Variants in PCDHGA5 observed in about 807,000 individuals in gnomAD.
The protein encoded by PCDHGA5 is protocadherin gamma-A5.
PCDHGA5 carries 36 observed loss-of-function variants against 56.7 expected under a neutral mutation model. The observed-to-expected ratio is 0.64, with a 90% CI of 0.49 to 0.84. PCDHGA5 has a LOEUF of 0.84. Ranked by LOEUF, PCDHGA5 falls within the 40% of genes least tolerant of loss-of-function variation. PCDHGA5 has a pLI of 0.00. For synonymous variants in PCDHGA5, 563 were observed against 520.2 expected (o/e 1.08, Z -1.12); for missense variants, 1,305 against 1,201.5 (o/e 1.09, Z -1.27).
intron 1 of PCDHGA5, chr5:141,423,365 T>A (rs1338039878): frequency 1.9e-6 from 3 of 1,614,096 alleles, no homozygotes; most frequent in South Asian, 1.1e-5. Context: ...ATCGTGCTGC[T>A]GGCACTCAGG....
chr5:141,384,835 G>A (rs1390926308), intron 1 of PCDHGA5: 2 of 1,613,468 alleles, frequency 1.2e-6, no homozygotes, highest in East Asian at 2.2e-5. Flanking sequence ...CGTGGTGGCC[G>A]TCCAGGACCA....
At chr5:141,373,455 A>T (rs1561559553) in intron 1 of PCDHGA5, among the ~76,000 whole-genome samples, 1 of 152,204 alleles carries the variant, frequency 6.6e-6, no homozygotes, top group Non-Finnish European at 1.5e-5. Flanking sequence ...CCCAGGAGGT[A>T]GCAGCTGCAA....
At position 141,432,673 on chromosome 5, in the gene PCDHGA5, C is replaced by A. The variant is rs770930842; in HGVS notation, c.2422-62134C>A. 5 of 1,613,922 alleles carry A rather than the reference C, an allele frequency of 3.1e-6. No homozygotes were observed. Among genetic ancestry groups the A allele is most frequent in the Non-Finnish European group, 4.2e-6 (5 of 1,179,960 alleles). On this transcript the variant is annotated intron_variant, in intron 1 of 3. Coordinates refer to ENST00000518069, the MANE Select transcript of PCDHGA5 (RefSeq NM_018918.3). This position sits in a 1 kb window ranked among gnomAD's most constrained non-coding sequence, Gnocchi z 6.0. ...GAGCCCTGCTGGACAGAGACGCGCTCAAGCAGAGCCTCGTAGTGGCCGTCC... is the reference window on the plus strand; with the variant it reads ...GAGCCCTGCTGGACAGAGACGCGCTAAAGCAGAGCCTCGTAGTGGCCGTCC...
chr5:141,383,112 G>A (rs1167934535), intron 1 of PCDHGA5: 7 of 1,614,042 alleles, frequency 4.3e-6, no homozygotes, highest in East Asian at 2.2e-5. Context: ...CCAGAGGTAG[G>A]ACGCAGCTTT....
chr5:141,388,447 G>C (rs775979306), intron 1 of PCDHGA5: 2 of 1,613,802 alleles, frequency 1.2e-6, no homozygotes, highest in Non-Finnish European at 1.7e-6. Flanking sequence ...AAATCAGATG[G>C]CAGTAAATAC....
chr5:141,451,314 G>A (rs1286009420), intron 1 of PCDHGA5, among the ~76,000 whole-genome samples: 1 of 152,218 alleles, frequency 6.6e-6, no homozygotes, highest in Non-Finnish European at 1.5e-5. Context: ...AGCAATTAAA[G>A]TGTCACCTAA....
At chr5:141,375,751 T>C (rs1389189532) in intron 1 of PCDHGA5, 3 of 1,614,108 alleles carry the variant, frequency 1.9e-6, no homozygotes, top group Non-Finnish European at 2.5e-6. Context: ...TGGACCAGAA[T>C]GACAATGCGC....
rs376279746 is a variant in PCDHGA5 at position 141,366,238 on chromosome 5, C to A, written c.1908C>A (p.Asp636Glu). The A allele has an allele frequency of 1.8e-4, 297 of 1,613,786 alleles. No individual in the cohort carries two copies. Among genetic ancestry groups the A allele is most frequent in the Non-Finnish European group, 2.3e-4 (273 of 1,180,036 alleles). The change falls in exon 1 of 4, where the codon GAC becomes GAA. Residue 636 changes from aspartate (D) to glutamate (E), a missense_variant. Physicochemically the swap from Asp to Glu is conservative, Grantham distance 45. Coordinates refer to ENST00000518069, the MANE Select transcript of PCDHGA5 (RefSeq NM_018918.3). ...CAGCGCGAGCCCTGCTGGACAGAGA[C>A]GCGCTCAAGCAGAGCCTCGTGGTGG... ...VRTARALLDRDALKQSLVVAV... is the reference protein window; with the variant it reads ...VRTARALLDREALKQSLVVAV...
chr5:141,410,018 T>C (rs773806211), intron 1 of PCDHGA5: 1 of 1,613,166 alleles, frequency 6.2e-7, no homozygotes, highest in African/African-American at 1.3e-5. Context: ...CTGGCTGTCC[T>C]ACCACGTGCT....
At chr5:141,418,594 C>A in intron 1 of PCDHGA5, 4 of 1,614,022 alleles carry the variant, frequency 2.5e-6, no homozygotes, top group Non-Finnish European at 3.4e-6. Context: ...TCAGCCAGGA[C>A]GTGTACAGGG....
chr5:141,486,644 T>G lies in PCDHGA5; in HGVS notation c.2422-8163T>G, dbSNP rs765487821. ...AGACTCTGGCTTGAATGCGCTTATC[T>G]CCTACTCACTCCTGGAGCCCAGGAA... On this transcript the variant is annotated intron_variant, in intron 1 of 3. Transcript: ENST00000518069. This position sits in a 1 kb window ranked among gnomAD's most constrained non-coding sequence, Gnocchi z 5.0. 9.3e-6 allele frequency: 15 copies of G among 1,613,722 alleles called. 2 individuals carry two copies. The Middle Eastern group carries it at 6.6e-4, about 71-fold the overall frequency.
intron 1 of PCDHGA5, chr5:141,433,104 A>G: frequency 6.2e-7 from 1 of 1,614,214 alleles, no homozygotes; most frequent in Non-Finnish European, 8.5e-7. Flanking sequence ...CTCGTCAGCC[A>G]GGAGAGCTTT....
intron 1 of PCDHGA5, chr5:141,478,331 G>C: frequency 6.2e-7 from 1 of 1,613,956 alleles, no homozygotes; most frequent in Non-Finnish European, 8.5e-7. Context: ...CCGAACACCA[G>C]GGCCCTCCTT....
rs529787438 is a variant in PCDHGA5 at position 141,470,330 on chromosome 5, G to A, written c.2422-24477G>A. Among the ~76,000 whole-genome samples the A allele has an allele frequency of 3.3e-4, 50 of 152,144 alleles. 1 individual carries two copies. The highest frequency in any genetic ancestry group is 1.1e-3 in the African/African-American group (47 of 41,498). ...TTTTCCTCAAATGATCCCATAATTT[G>A]ACCTTAGGAAGCTGTTCAAATAGAC... On this transcript the variant is annotated intron_variant, in intron 1 of 3. Coordinates refer to ENST00000518069, the MANE Select transcript of PCDHGA5 (RefSeq NM_018918.3).
intron 1 of PCDHGA5, chr5:141,392,593 C>T (rs986653235): frequency 1.0e-5 from 5 of 494,076 alleles, no homozygotes; most frequent in Admixed American, 7.6e-5. Flanking sequence ...CCGCTGTTCA[C>T]CTACTGGAAG....
At chr5:141,428,088 C>G (rs761980796) in intron 1 of PCDHGA5, 5 of 1,608,920 alleles carry the variant, frequency 3.1e-6, no homozygotes, top group Non-Finnish European at 4.2e-6. Context: ...CAACGCTTGG[C>G]TGTCCTACCA....
In PCDHGA5 at chr5:141,489,456, G is replaced by A. The variant is rs1468723020; in HGVS notation, c.2422-5351G>A. The A allele has an allele frequency of 1.2e-6, 2 of 1,614,050 alleles. No homozygotes were observed. Among genetic ancestry groups the A allele is most frequent in the Non-Finnish European group, 1.7e-6 (2 of 1,180,016 alleles). ...TGCAATTGGGCTCTGAGGAGAATGG[G>A]CGCTATTTTTCCCTGAGCTTGATGA... On this transcript the variant is annotated intron_variant, in intron 1 of 3. Transcript: ENST00000518069. This position sits in a 1 kb window ranked among gnomAD's most constrained non-coding sequence, Gnocchi z 4.5.
intron 1 of PCDHGA5, chr5:141,374,770 G>A (rs750704696): frequency 6.8e-6 from 11 of 1,613,696 alleles, no homozygotes; most frequent in South Asian, 1.1e-5. Context: ...CCCAAATTCT[G>A]GTAACAGTTC....
chr5:141,479,845 A>T (rs895639749), intron 1 of PCDHGA5, among the ~76,000 whole-genome samples: 4 of 152,210 alleles, frequency 2.6e-5, no homozygotes, highest in Admixed American at 1.3e-4. Flanking sequence ...ATGCAAGGTG[A>T]CTGCAAGGCC....
Sources: allele counts gnomAD v4.1 joint callset (sites outside exome capture counted in the v4.1 genomes callset), GRCh38; gene constraint gnomAD v4.1.1; non-coding constraint Gnocchi (gnomAD v3.1); transcripts MANE v1.5; gene names NCBI Gene and HGNC (gene_info 2026-07-23, HGNC 2026-07-21).